Variants in UIMC1 observed in about 807,000 individuals in gnomAD.
The protein encoded by UIMC1 is BRCA1-A complex subunit RAP80.
UIMC1 carries 42 observed loss-of-function variants against 84.9 expected under a neutral mutation model. That is an observed-to-expected ratio of 0.49 (90% CI 0.39 to 0.64). The LOEUF is 0.64. UIMC1 is among the 30% of genes least tolerant of loss of function. UIMC1 has a pLI of 0.00. For synonymous variants in UIMC1, 281 were observed against 293.0 expected (o/e 0.96, Z 0.42); for missense variants, 825 against 847.6 (o/e 0.97, Z 0.33).
At chr5:176,953,495 T>TACACACAC (rs137955830) in intron 8 of UIMC1, among the ~76,000 whole-genome samples, 11,381 of 136,848 alleles carry the variant, frequency 0.083, 586 homozygotes, top group East Asian at 0.2. Context: ...ACTGGACACA[T>TACACACAC]ACACACACAC....
chr5:176,958,153 G>C lies in UIMC1; in HGVS notation c.1202C>G (p.Ser401Cys). The C allele has an allele frequency of 6.2e-7, 1 of 1,613,374 alleles. No individual in the cohort carries two copies. The part of the protein sequence containing the change: ...EEEPTTSHGQ[S>C]SQGIVEETSE... ...AGTTTCTTCAACAATCCCTTGGGAA[G>C]ACTGCAAAGAAATACGTAGTATCTT... The change falls in exon 7 of 15, where the codon TCT (serine) becomes TGT (cysteine). Residue 401 changes from serine to cysteine, a missense_variant and splice_region_variant. Ser to Cys is a moderately radical substitution (Grantham distance 112). Coordinates refer to ENST00000511320, the MANE Select transcript of UIMC1 (RefSeq NM_001199298.2).
intron 6 of UIMC1, among the ~76,000 whole-genome samples, chr5:176,960,645 G>C (rs1444973774): frequency 1.6e-4 from 4 of 24,348 alleles, no homozygotes; most frequent in East Asian, 2.1e-3. Context: ...CTCCGTCTCC[G>C]TCTCCGTCTC....
intron 10 of UIMC1, 35 bp downstream of exon 10, chr5:176,943,300 A>G: frequency 6.2e-7 from 1 of 1,601,996 alleles, no homozygotes; most frequent in Non-Finnish European, 8.5e-7. Context: ...ACCACACAAA[A>G]AAGTAAGAGT....
At chr5:176,942,261 A>G (rs1764527798) in intron 10 of UIMC1, among the ~76,000 whole-genome samples, 1 of 152,216 alleles carries the variant, frequency 6.6e-6, no homozygotes, top group Non-Finnish European at 1.5e-5. Flanking sequence ...TAAAATTTCT[A>G]TTAAAACAAA....
upstream of UIMC1, among the ~76,000 whole-genome samples, chr5:177,008,713 T>C (rs995919697): frequency 2.4e-4 from 37 of 152,270 alleles, no homozygotes; most frequent in African/African-American, 8.9e-4. Context: ...TCTTGTGTAA[T>C]CTCTCTTCTT....
intron 11 of UIMC1, among the ~76,000 whole-genome samples, chr5:176,910,549 G>A (rs1330822573): frequency 6.6e-6 from 1 of 152,110 alleles, no homozygotes; most frequent in Admixed American, 6.5e-5. Flanking sequence ...CTCAGAATGA[G>A]CTTTCTCAGT....
Position 176,911,311 on chromosome 5 carries a change from T to C in UIMC1, c.1676A>G (p.Lys559Arg). 6.3e-7 allele frequency: 1 copy of C among 1,594,512 alleles called. No homozygotes were observed. The highest frequency in any genetic ancestry group is 1.1e-5 in the South Asian group (1 of 87,046). ...TAAQTSLDID[K>R]NEKCYLCKSL... ...CCGTGAATGCAGCATACCTACTTAC[T>C]TGTCAATGTCTAGAGAAGTCTGGGC... Residue 559 changes from lysine (K) to arginine (R), a missense_variant and splice_region_variant, in exon 11 of 15, where the codon AAG becomes AGG. Lys to Arg is a conservative substitution (Grantham distance 26). Coordinates refer to ENST00000511320, the MANE Select transcript of UIMC1 (RefSeq NM_001199298.2).
chr5:176,965,242 A>G (rs192667370), intron 6 of UIMC1, among the ~76,000 whole-genome samples: 2 of 152,266 alleles, frequency 1.3e-5, no homozygotes, highest in African/African-American at 4.8e-5. Context: ...TAACACGGTG[A>G]AAACCCTTCT....
intron 10 of UIMC1, among the ~76,000 whole-genome samples, chr5:176,926,336 T>C (rs1182547877): frequency 6.6e-6 from 1 of 152,014 alleles, no homozygotes; most frequent in Non-Finnish European, 1.5e-5. Context: ...AGGAGAATGA[T>C]CTTGTTCTTA....
chr5:176,942,442 A>C (rs1400842746), intron 10 of UIMC1, among the ~76,000 whole-genome samples: 1 of 152,130 alleles, frequency 6.6e-6, no homozygotes, highest in Admixed American at 6.5e-5. Flanking sequence ...TTAATACGTT[A>C]AAAGATGGGC....
intron 1 of UIMC1, among the ~76,000 whole-genome samples, chr5:176,999,886 T>C (rs374091230): frequency 5.3e-5 from 8 of 152,328 alleles, no homozygotes; most frequent in African/African-American, 1.9e-4. Context: ...CTCTTCAATA[T>C]ACTGATTTCC....
chr5:176,990,839 A>G (rs1170740926), intron 1 of UIMC1, among the ~76,000 whole-genome samples: 1 of 150,860 alleles, frequency 6.6e-6, no homozygotes, highest in Middle Eastern at 3.4e-3. Flanking sequence ...ACACTCAGCT[A>G]ATTTTTTTTT....
chr5:176,984,147 C>T (rs1771549943), intron 1 of UIMC1, among the ~76,000 whole-genome samples: 1 of 131,548 alleles, frequency 7.6e-6, no homozygotes, highest in African/African-American at 2.9e-5. Context: ...TCTGCCCGGC[C>T]GCCCTGTCTG....
At chr5:176,930,833 C>A (rs1762990422) in intron 10 of UIMC1, among the ~76,000 whole-genome samples, 1 of 152,190 alleles carries the variant, frequency 6.6e-6, no homozygotes, top group Admixed American at 6.5e-5. Context: ...GGACGCTGTT[C>A]ACCAGCAAAG....
At chr5:176,984,025 C>G (rs1332993449) in intron 1 of UIMC1, among the ~76,000 whole-genome samples, 1 of 119,290 alleles carries the variant, frequency 8.4e-6, no homozygotes, top group Admixed American at 8.2e-5. Context: ...TGAGGAGCGC[C>G]TCTGCCCGGC....
In UIMC1 at chr5:177,022,582, A is replaced by T. The variant is rs537652401; in HGVS notation, c.-127T>A. ...CACGGCACACGCTCTGAGGTACCAGAGGTAGCAAAGCAAAATAAGCGCGGG... is the reference window on the plus strand; with the variant it reads ...CACGGCACACGCTCTGAGGTACCAGTGGTAGCAAAGCAAAATAAGCGCGGG... On this transcript the variant is annotated 5_prime_UTR_variant, in exon 1 of 6. Coordinates refer to the UIMC1 transcript ENST00000509236. 27 of 723,244 alleles carry T rather than the reference A, an allele frequency of 3.7e-5. No individual in the cohort carries two copies. The South Asian group carries it at 5.3e-4, about 14-fold the overall frequency. The allele number at this position is 723,244 out of a possible 1,614,324, so 44.8% of individuals were successfully genotyped here.
chr5:176,930,287 TA>T (rs1388586662), intron 10 of UIMC1, among the ~76,000 whole-genome samples: 1 of 152,178 alleles, frequency 6.6e-6, no homozygotes, highest in Non-Finnish European at 1.5e-5. Context: ...CACAAATTAT[TA>T]AAAAATATAT....
At position 176,969,132 on chromosome 5, in the gene UIMC1, A is replaced by C. The variant is rs1448374774; in HGVS notation, c.623T>G (p.Val208Gly). 2 of 1,614,156 alleles carry C rather than the reference A, an allele frequency of 1.2e-6. No individual in the cohort carries two copies. The highest frequency in any genetic ancestry group is 1.3e-5 in the African/African-American group (1 of 75,042). ...AGATTTAACGTTCACATTCTCAAAC[A>C]CTGGCTGGCTTGACTGGTCCCAGCT... ...SGSWDQSSQP[V>G]FENVNVKSFD... The change falls in exon 6 of 15, where the codon GTG (valine) becomes GGG (glycine). Residue 208 changes from valine (V) to glycine (G), a missense_variant. By Grantham distance (109) the Val-to-Gly change is moderately radical. Coordinates refer to ENST00000511320, the MANE Select transcript of UIMC1 (RefSeq NM_001199298.2).
intron 10 of UIMC1, among the ~76,000 whole-genome samples, chr5:176,937,251 C>T (rs989389610): frequency 1.3e-5 from 2 of 152,136 alleles, no homozygotes; most frequent in African/African-American, 2.4e-5. Flanking sequence ...AATCTCAGCA[C>T]TTAGGGAGGC....
Sources: allele counts gnomAD v4.1 joint callset (sites outside exome capture counted in the v4.1 genomes callset), GRCh38; gene constraint gnomAD v4.1.1; transcripts MANE v1.5; gene names NCBI Gene and HGNC (gene_info 2026-07-23, HGNC 2026-07-21).